The following PACS1 variants were observed in gnomAD, a reference collection of about 807,000 sequenced individuals.
PACS1 encodes the protein PACS-1.
In PACS1, 24 loss-of-function variants were observed where a neutral mutation model predicts 115.0. That is an observed-to-expected ratio of 0.21 (90% CI 0.15 to 0.29). The LOEUF (loss-of-function observed/expected upper bound fraction) is 0.29, where lower values mean the gene tolerates loss of function less well. Ranked by LOEUF, PACS1 falls within the 10% of genes least tolerant of loss-of-function variation. The pLI is 1.00. For missense variants in PACS1, 838 were observed against 1,251.2 expected, an observed-to-expected ratio of 0.67 and a Z score of 4.98; for synonymous variants, 453 against 504.5, an observed-to-expected ratio of 0.90 and a Z score of 1.37.
intron 1 of PACS1, among the ~76,000 whole-genome samples, chr11:66,155,697 A>G (rs189395756): frequency 2.6e-5 from 4 of 152,298 alleles, no homozygotes; most frequent in East Asian, 1.9e-4. Context: ...AAGTTAAACA[A>G]CAGTTACTCA....
intron 19 of PACS1, among the ~76,000 whole-genome samples, chr11:66,237,183 C>T (rs1327377491): frequency 6.6e-6 from 1 of 152,218 alleles, no homozygotes; most frequent in Non-Finnish European, 1.5e-5. Flanking sequence ...TCCCAAAGTG[C>T]TGGGATTACA....
Position 66,216,265 on chromosome 11 carries a change from TAAG to T in PACS1, c.805+6_805+8del, listed in dbSNP as rs1855207023. On this transcript the variant is annotated splice_donor_5th_base_variant and intron_variant, in intron 5 of 23. Transcript: ENST00000320580. The stretch of plus-strand genomic sequence containing the variant: ...AAGGAATCAAATCCAAGCTTTCTGG[TAAG>T]AAGCATGCAGCATCTGGAGACCCTA... 1 of 1,613,946 alleles carries T rather than the reference TAAG, an allele frequency of 6.2e-7. No individual in the cohort carries two copies. Among genetic ancestry groups the T allele is most frequent in the Non-Finnish European group, 8.5e-7 (1 of 1,179,956 alleles).
chr11:66,164,217 C>T (rs1358932884), intron 1 of PACS1, among the ~76,000 whole-genome samples: 2 of 152,080 alleles, frequency 1.3e-5, no homozygotes, highest in Admixed American at 6.6e-5. Context: ...GTGCAGCTTT[C>T]GAACTCTACA....
At position 66,234,000 on chromosome 11, in the gene PACS1, T is replaced by A. The variant is rs1565158000; in HGVS notation, c.1993+61T>A. ...GAGGGTTCCATAGACAGATGCCTCA[T>A]CTGGAACAGGACGGTGGGGTTGGGG... On this transcript the variant is annotated intron_variant, in intron 16 of 23. Coordinates refer to ENST00000320580, the MANE Select transcript of PACS1 (RefSeq NM_018026.4). This position sits in a 1 kb window ranked among gnomAD's most constrained non-coding sequence, Gnocchi z 4.5. 3 of 1,570,246 alleles carry A rather than the reference T, an allele frequency of 1.9e-6. No homozygotes were observed. The highest frequency in any genetic ancestry group is 2.4e-5 in the South Asian group (2 of 84,266).
intron 19 of PACS1, chr11:66,238,089 G>A: frequency 1.0e-6 from 1 of 985,380 alleles, no homozygotes; most frequent in Non-Finnish European, 1.2e-6. Flanking sequence ...CTGTGGCTGT[G>A]TTCTTTTCTA....
chr11:66,189,145 A>C (rs896952402), intron 1 of PACS1, among the ~76,000 whole-genome samples: 6 of 152,330 alleles, frequency 3.9e-5, no homozygotes, highest in Non-Finnish European at 2.9e-5. Context: ...TGAATGAGGG[A>C]TAAACATTTT....
intron 1 of PACS1, among the ~76,000 whole-genome samples, chr11:66,184,182 A>G (rs1860067049): frequency 6.6e-6 from 1 of 151,900 alleles, no homozygotes; most frequent in African/African-American, 2.4e-5. Flanking sequence ...TGGTAGTGGC[A>G]TGCACCTGTA....
At chr11:66,200,874 C>G (rs1854774030) in intron 2 of PACS1, among the ~76,000 whole-genome samples, 1 of 149,958 alleles carries the variant, frequency 6.7e-6, no homozygotes, top group Non-Finnish European at 1.5e-5. Context: ...GGATCATTCT[C>G]AAGGATAGGC....
intron 1 of PACS1, among the ~76,000 whole-genome samples, chr11:66,146,874 G>A (rs569917417): frequency 6.6e-6 from 1 of 152,240 alleles, no homozygotes; most frequent in South Asian, 2.1e-4. Context: ...GGCCAACATG[G>A]TGAAACCCCC....
chr11:66,077,209 A>G (rs1857413020), intron 1 of PACS1, among the ~76,000 whole-genome samples: 1 of 152,222 alleles, frequency 6.6e-6, no homozygotes, highest in African/African-American at 2.4e-5. Context: ...TGGGAATCGC[A>G]GTAGAACAGA....
rs1349396323 is a variant in PACS1, at chr11:66,235,935, A to G, written c.2245A>G (p.Ile749Val). ...EDSYQKFIPF[I>V]GVVKVGLVED... ...CTCCTATCAGAAGTTTATTCCCTTC[A>G]TTGGCGTGAGTACTGACTCCCTCTG... The change falls in exon 19 of 24, where the codon ATT becomes GTT. Residue 749 changes from isoleucine to valine, a missense_variant. By Grantham distance (29) the Ile-to-Val change is conservative. Around this residue, in one of 6 missense-constraint regions of PACS1, gnomAD observed 383 missense variants for 537.0 expected, o/e 0.71. Coordinates refer to ENST00000320580, the MANE Select transcript of PACS1 (RefSeq NM_018026.4). The surrounding 1 kb of genome is among the most constrained non-coding windows in gnomAD (Gnocchi z 5.6). 7 of 1,613,818 alleles carry G rather than the reference A, an allele frequency of 4.3e-6. No homozygotes were observed. The highest frequency in any genetic ancestry group is 5.9e-6 in the Non-Finnish European group (7 of 1,179,752).
chr11:66,073,438 A>G (rs928527936), intron 1 of PACS1, among the ~76,000 whole-genome samples: 1 of 152,234 alleles, frequency 6.6e-6, no homozygotes, highest in Non-Finnish European at 1.5e-5. Context: ...AGGTGTGCAT[A>G]AGAATGTCAT....
intron 1 of PACS1, among the ~76,000 whole-genome samples, chr11:66,164,816 C>T (rs1188888242): frequency 6.6e-6 from 1 of 151,586 alleles, no homozygotes; most frequent in South Asian, 2.1e-4. Context: ...ACATTCAGGT[C>T]CCCCTTCACA....
intron 1 of PACS1, among the ~76,000 whole-genome samples, chr11:66,113,951 AG>A (rs2134549514): frequency 6.6e-6 from 1 of 152,292 alleles, no homozygotes; most frequent in East Asian, 1.9e-4. Flanking sequence ...GTGCCACTGA[AG>A]CTCTTTTGCA....
intron 1 of PACS1, among the ~76,000 whole-genome samples, chr11:66,160,804 G>A (rs757125364): frequency 1.3e-5 from 2 of 151,588 alleles, no homozygotes; most frequent in Non-Finnish European, 2.9e-5. Flanking sequence ...TTATAGGTGT[G>A]AGCCACTGCA....
At chr11:66,102,821 TTTTTATTTATTTCA>T (rs1857950142) in intron 1 of PACS1, among the ~76,000 whole-genome samples, 1 of 152,030 alleles carries the variant, frequency 6.6e-6, no homozygotes, top group Non-Finnish European at 1.5e-5. Flanking sequence ...GTTTTATTTA[TTTTTATTTATTTCA>T]TTTTATTTAT....
chr11:66,176,306 G>T (rs894338383), intron 1 of PACS1, among the ~76,000 whole-genome samples: 1 of 152,038 alleles, frequency 6.6e-6, no homozygotes, highest in African/African-American at 2.4e-5. Context: ...AGTATTTAGC[G>T]CTCACTTATG....
chr11:66,180,378 C>T (rs939639073), intron 1 of PACS1, among the ~76,000 whole-genome samples: 1 of 149,658 alleles, frequency 6.7e-6, no homozygotes, highest in Non-Finnish European at 1.5e-5. Context: ...GTGTGTGAAA[C>T]GGAGTCTCAC....
chr11:66,207,634 G>C (rs141259100), intron 2 of PACS1, among the ~76,000 whole-genome samples: 50 of 152,266 alleles, frequency 3.3e-4, no homozygotes, highest in African/African-American at 1.2e-3. Flanking sequence ...CGAGCTTCCG[G>C]GTGTCCTGAG....
Sources: gnomAD v4.1 joint callset for allele counts (sites outside exome capture counted in the v4.1 genomes callset) on GRCh38, gnomAD v4.1.1 for gene constraint, gnomAD v4.1.1 regional missense constraint, Gnocchi (gnomAD v3.1) non-coding constraint, MANE v1.5 for transcripts, NCBI Gene and HGNC (gene_info 2026-07-23, HGNC 2026-07-21) for gene names.